The following CDKL1 variants were observed in gnomAD, a reference collection of about 807,000 sequenced individuals.
The protein encoded by CDKL1 is cyclin-dependent kinase-like 1.
Under a neutral mutation model 42.0 loss-of-function variants are expected in CDKL1, and 41 were observed. The observed-to-expected ratio is 0.98, with a 90% confidence interval of 0.76 to 1.27. CDKL1 has a LOEUF of 1.27. Among genes scored for constraint, CDKL1 ranks in the 50% most tolerant of loss-of-function variants. The probability of loss-of-function intolerance (pLI) is 0.00; values close to 1 mark genes in which losing one functional copy is unlikely to be tolerated. For missense variants in CDKL1, 394 were observed against 428.4 expected (o/e 0.92, Z 0.71); for synonymous variants, 153 against 158.6 (o/e 0.96, Z 0.26).
At chr14:50,359,664 C>T (rs904707818) in intron 2 of CDKL1, among the ~76,000 whole-genome samples, 2 of 151,964 alleles carry the variant, frequency 1.3e-5, no homozygotes, top group African/African-American at 2.4e-5. Context: ...ATACGAACGA[C>T]GGCATCAGGG....
Position 50,332,346 on chromosome 14 carries a change from C to T in CDKL1, c.882G>A (p.Glu294=), listed in dbSNP as rs138976117. 33 of 1,614,122 alleles carry T rather than the reference C, an allele frequency of 2.0e-5. No individual in the cohort carries two copies. In the African/African-American group the frequency reaches 3.6e-4, roughly 18 times the overall value. Residue 294 remains glutamate (E), a synonymous_variant, in exon 9 of 10, where the codon GAG becomes GAA. Coordinates refer to ENST00000395834, the MANE Select transcript of CDKL1 (RefSeq NM_004196.7). ...HPYFENIREI[E]DLAKEHNKPT... ...GTTTGTTGTGTTCTTTTGCCAAATC[C>T]TCTATTTCTCTGATGTTTTCAAAAT...
At chr14:50,339,147 G>C (rs2033416222) in intron 6 of CDKL1, 118 bp from the exon 7 acceptor site, 4 of 736,124 alleles carry the variant, frequency 5.4e-6, no homozygotes, top group Admixed American at 3.7e-5. Context: ...CAGTGTTCTT[G>C]GGCAATCAGA....
At chr14:50,344,948 G>A (rs1314582718) in intron 4 of CDKL1, 38 bp downstream of exon 4, 3 of 1,535,844 alleles carry the variant, frequency 2.0e-6, no homozygotes, top group Admixed American at 1.7e-5. Context: ...AGCTTAAGGG[G>A]AGCCTTGTTG....
intron 7 of CDKL1, among the ~76,000 whole-genome samples, chr14:50,336,993 G>GT (rs982313197): frequency 6.6e-6 from 1 of 151,866 alleles, no homozygotes; most frequent in Non-Finnish European, 1.5e-5. Context: ...ATACATACTG[G>GT]TTTTTTTGTT....
rs368345512 is a variant in CDKL1, at chr14:50,362,255, G to A, written c.169-3106C>T. The A allele has an allele frequency of 7.8e-5, 29 of 371,156 alleles. 1 individual carries two copies. Among genetic ancestry groups the A allele is most frequent in the African/African-American group, 5.5e-4 (24 of 44,014 alleles). 23.0% of individuals were successfully genotyped at this position (371,156 alleles called of 1,614,324 possible). ...CTGCTCCGCAGCACCCGGTCCCATCGACCACCCAAGGACTGAGGAGTGCGG... is the reference window on the plus strand; with the variant it reads ...CTGCTCCGCAGCACCCGGTCCCATCAACCACCCAAGGACTGAGGAGTGCGG... On this transcript the variant is annotated intron_variant, in intron 2 of 9. Coordinates refer to ENST00000395834, the MANE Select transcript of CDKL1 (RefSeq NM_004196.7).
intron 3 of CDKL1, among the ~76,000 whole-genome samples, chr14:50,353,316 T>A (rs1189634229): frequency 6.6e-6 from 1 of 152,206 alleles, no homozygotes; most frequent in Non-Finnish European, 1.5e-5. Flanking sequence ...AAATGTGAAA[T>A]TCTTCGGAGA....
chr14:50,366,760 G>A (rs2034447763), intron 2 of CDKL1, among the ~76,000 whole-genome samples: 1 of 151,024 alleles, frequency 6.6e-6, no homozygotes, highest in South Asian at 2.1e-4. Context: ...TGAGGGACAG[G>A]GGAGAAGGAA....
intron 2 of CDKL1, chr14:50,377,744 G>A (rs2034776711): frequency 4.8e-6 from 6 of 1,249,004 alleles, no homozygotes; most frequent in African/African-American, 1.6e-5. Context: ...AGTGGCACAT[G>A]AGTGGTATGC....
intron 2 of CDKL1, chr14:50,380,213 A>G (rs1221930865): frequency 1.9e-6 from 1 of 532,872 alleles, no homozygotes; most frequent in Non-Finnish European, 3.8e-6. Flanking sequence ...CCTGGTCAAA[A>G]TAGTAAATCC....
chr14:50,336,975 G>T (rs1433762215), intron 7 of CDKL1, among the ~76,000 whole-genome samples: 1 of 151,258 alleles, frequency 6.6e-6, no homozygotes, highest in African/African-American at 2.4e-5. Flanking sequence ...TTAAAACTTT[G>T]TCAAATTATA....
chr14:50,372,969 G>C (rs1308789886), intron 2 of CDKL1, among the ~76,000 whole-genome samples: 1 of 151,992 alleles, frequency 6.6e-6, no homozygotes, highest in Admixed American at 6.6e-5. Context: ...CAGGTAGTGT[G>C]ATGGCTCCAG....
intron 7 of CDKL1, among the ~76,000 whole-genome samples, chr14:50,338,665 T>G (rs1305886841): frequency 6.6e-6 from 1 of 152,186 alleles, no homozygotes; most frequent in Non-Finnish European, 1.5e-5. Context: ...TGGTTGGCTC[T>G]AAGCTACCTA....
intron 3 of CDKL1, chr14:50,358,022 A>G: frequency 7.4e-7 from 1 of 1,351,388 alleles, no homozygotes; most frequent in Non-Finnish European, 9.9e-7. Flanking sequence ...CAGTCCTCTC[A>G]CCCTGCAAGA....
intron 9 of CDKL1, chr14:50,330,455 CATAGATTT>C: frequency 3.1e-6 from 1 of 319,484 alleles, no homozygotes; most frequent in Non-Finnish European, 5.6e-6. Context: ...GGGAAGAAAA[CATAGATTT>C]ACAGGAGTTG....
chr14:50,352,598 T>C (rs2033934886), intron 3 of CDKL1, among the ~76,000 whole-genome samples: 1 of 152,082 alleles, frequency 6.6e-6, no homozygotes, highest in South Asian at 2.1e-4. Context: ...CTAAAAATTA[T>C]AATGCAACAT....
chr14:50,379,873 G>A lies in CDKL1; in HGVS notation c.168+15828C>T, dbSNP rs1595362258. On this transcript the variant is annotated intron_variant, in intron 2 of 9. Transcript: ENST00000395834. ...TCCTCACTTTTCAAAGGGATCTGTG[G>A]CTATTTACCAGAGTAACTGGGAAAG... 1.3e-5 allele frequency among the ~76,000 whole-genome samples: 2 copies of A among 152,278 alleles called. 1 individual carries two copies. Among genetic ancestry groups the A allele is most frequent in the South Asian group, 4.1e-4 (2 of 4,826 alleles).
At chr14:50,388,524 G>A (rs986001517) in intron 2 of CDKL1, among the ~76,000 whole-genome samples, 5 of 152,212 alleles carry the variant, frequency 3.3e-5, no homozygotes, top group African/African-American at 9.6e-5. Context: ...TCCGTTGGCC[G>A]TTGGCCACAG....
chr14:50,377,736 TG>T lies in CDKL1; in HGVS notation c.168+17964del, dbSNP rs780278806. The T allele has an allele frequency of 3.2e-6, 4 of 1,264,158 alleles. No homozygotes were observed. In the South Asian group the frequency reaches 4.3e-5, roughly 14 times the overall value. 78.3% of individuals were successfully genotyped at this position (1,264,158 alleles called of 1,614,324 possible). A position where few individuals can be genotyped will look rare whatever the true frequency, so the allele number is the denominator to read the frequency against. ...GTGTAAGCTTGCTTCGGCACTGCAG[TG>T]GCACATGAGTGGTATGCGGCAATGG... On this transcript the variant is annotated intron_variant, in intron 2 of 9. Coordinates refer to ENST00000395834, the MANE Select transcript of CDKL1 (RefSeq NM_004196.7).
chr14:50,375,832 A>G (rs879544801), intron 2 of CDKL1, among the ~76,000 whole-genome samples: 3 of 152,130 alleles, frequency 2.0e-5, no homozygotes, highest in Admixed American at 6.6e-5. Flanking sequence ...TGTTGATAGT[A>G]TGTACACTTG....
Sources: gnomAD v4.1 joint callset for allele counts (sites outside exome capture counted in the v4.1 genomes callset) on GRCh38, gnomAD v4.1.1 for gene constraint, MANE v1.5 for transcripts, NCBI Gene and HGNC (gene_info 2026-07-23, HGNC 2026-07-21) for gene names.